BICD1: variants seen among roughly 807,000 people sequenced by gnomAD.
BICD1 encodes BICD cargo adaptor 1.
A neutral mutation model predicts 92.5 loss-of-function variants in BICD1; 35 were observed. That is an observed-to-expected ratio of 0.38 (90% CI 0.29 to 0.50). The LOEUF (loss-of-function observed/expected upper bound fraction) is 0.50, where lower values mean the gene tolerates loss of function less well. BICD1 is among the 20% of genes least tolerant of loss of function. The probability of loss-of-function intolerance (pLI) is 0.93; values close to 1 mark genes in which losing one functional copy is unlikely to be tolerated. For missense variants in BICD1, 950 were observed against 1,189.8 expected, an observed-to-expected ratio of 0.80 and a Z score of 2.97; for synonymous variants, 429 against 465.1, an observed-to-expected ratio of 0.92 and a Z score of 1.00.
rs188722962 is a variant in BICD1 at position 32,359,975 on chromosome 12, G to A, written c.2765-7695G>A. Reference sequence around the variant, plus strand: ...CCGAGGCAGGCAGATCACGAGGTCAGGGGATCGAGACCATCCTGGCTAACA... The same window carrying A: ...CCGAGGCAGGCAGATCACGAGGTCAAGGGATCGAGACCATCCTGGCTAACA... On this transcript the variant is annotated intron_variant, in intron 8 of 9. Coordinates refer to ENST00000652176, the MANE Select transcript of BICD1 (RefSeq NM_001714.4). Among the ~76,000 whole-genome samples the A allele has an allele frequency of 7.2e-5, 11 of 152,256 alleles. No individual in the cohort carries two copies. In the East Asian group the frequency reaches 2.1e-3, roughly 29 times the overall value.
chr12:32,199,202 A>G (rs989034999), intron 1 of BICD1, among the ~76,000 whole-genome samples: 2 of 152,232 alleles, frequency 1.3e-5, no homozygotes, highest in Non-Finnish European at 2.9e-5. Flanking sequence ...GAAAAATTAT[A>G]TAAGACATCA....
intron 2 of BICD1, among the ~76,000 whole-genome samples, chr12:32,226,787 A>G (rs533640026): frequency 1.3e-5 from 2 of 152,340 alleles, no homozygotes; most frequent in Admixed American, 1.3e-4. Context: ...TAGGAAAGAA[A>G]TCCCAGAAAC....
chr12:32,113,953 C>T (rs557212733), intron 1 of BICD1, among the ~76,000 whole-genome samples: 2 of 152,032 alleles, frequency 1.3e-5, no homozygotes, highest in Non-Finnish European at 2.9e-5. Flanking sequence ...CTTACTGCAA[C>T]CTCTGCCTCC....
At chr12:32,375,008 T>G (rs1939889022) in intron 9 of BICD1, among the ~76,000 whole-genome samples, 1 of 131,910 alleles carries the variant, frequency 7.6e-6, no homozygotes, top group African/African-American at 2.9e-5. Context: ...AAGCTCCGCC[T>G]CCCGGGTTCA....
intron 2 of BICD1, among the ~76,000 whole-genome samples, chr12:32,235,833 T>G (rs1433213388): frequency 6.6e-6 from 1 of 151,522 alleles, no homozygotes; most frequent in Non-Finnish European, 1.5e-5. Context: ...CCCAAGTAGC[T>G]GGGACTATAG....
chr12:32,177,542 T>C (rs1247700228), intron 1 of BICD1, among the ~76,000 whole-genome samples: 1 of 150,382 alleles, frequency 6.6e-6, no homozygotes, highest in Non-Finnish European at 1.5e-5. Context: ...ATGTTCGCGA[T>C]TCTATAGGCA....
chr12:32,183,326 G>A (rs2121525769), intron 1 of BICD1, among the ~76,000 whole-genome samples: 1 of 150,068 alleles, frequency 6.7e-6, no homozygotes, highest in East Asian at 1.9e-4. Context: ...AGGCTGGAGT[G>A]CAGTGGTGCG....
chr12:32,282,205 T>C (rs1239603), intron 2 of BICD1, among the ~76,000 whole-genome samples: 2,388 of 15,168 alleles, frequency 0.16, 164 homozygotes, highest in Middle Eastern at 0.32. Context: ...TCTTCTTCTT[T>C]TTTTTTTTTT....
intron 8 of BICD1, among the ~76,000 whole-genome samples, chr12:32,364,063 T>C (rs1939434625): frequency 6.6e-6 from 1 of 152,172 alleles, no homozygotes; most frequent in Non-Finnish European, 1.5e-5. Flanking sequence ...TGTAGTTGCT[T>C]ATTAAATATG....
chr12:32,305,907 A>G lies in BICD1; in HGVS notation c.790A>G (p.Ser264Gly). Residue 264 changes from serine (S) to glycine (G), a missense_variant, in exon 4 of 10, where the codon AGC becomes GGC. Around this residue, in one of 5 missense-constraint regions of BICD1, gnomAD observed 246 missense variants for 258.4 expected, o/e 0.95. Transcript: ENST00000652176. ...QYISLNDNHI[S>G]ISVDGLKFAE... ...TATCAGCCTCAATGATAACCATATCAGCATCTCAGTAGATGGACTCAAATT... is the reference window on the plus strand; with the variant it reads ...TATCAGCCTCAATGATAACCATATCGGCATCTCAGTAGATGGACTCAAATT... 1 of 1,614,220 alleles carries G rather than the reference A, an allele frequency of 6.2e-7. No homozygotes were observed. Among genetic ancestry groups the G allele is most frequent in the Non-Finnish European group, 8.5e-7 (1 of 1,180,034 alleles).
intron 1 of BICD1, chr12:32,108,770 T>G (rs1412437834): frequency 3.2e-6 from 2 of 627,602 alleles, no homozygotes; most frequent in Non-Finnish European, 5.8e-6. Flanking sequence ...AAAAAATAAA[T>G]GTACTACCTA....
intron 1 of BICD1, chr12:32,108,864 T>C: frequency 1.9e-6 from 1 of 522,174 alleles, no homozygotes. Context: ...CATGTACCTG[T>C]CTGGTCTTAA....
At chr12:32,117,741 T>C (rs1195240028) in intron 1 of BICD1, among the ~76,000 whole-genome samples, 5,882 of 99,242 alleles carry the variant, frequency 0.059, 177 homozygotes, top group Middle Eastern at 0.082. Flanking sequence ...CACACATATA[T>C]ATATATATAT....
chr12:32,349,552 A>G (rs16919772), intron 8 of BICD1, among the ~76,000 whole-genome samples: 10,208 of 152,160 alleles, frequency 0.067, 1,151 homozygotes, highest in African/African-American at 0.23. Flanking sequence ...TATTCTGTCC[A>G]TGACTGGGTC....
At chr12:32,230,695 G>C (rs1945858270) in intron 2 of BICD1, among the ~76,000 whole-genome samples, 1 of 152,158 alleles carries the variant, frequency 6.6e-6, no homozygotes, top group Non-Finnish European at 1.5e-5. Context: ...CAGCCACGTG[G>C]AGCAAAAGCG....
intron 8 of BICD1, among the ~76,000 whole-genome samples, chr12:32,344,804 A>G (rs1310625823): frequency 6.6e-6 from 1 of 152,116 alleles, no homozygotes. Context: ...CCACTTCCCC[A>G]TATCACTAAA....
intron 4 of BICD1, among the ~76,000 whole-genome samples, chr12:32,314,755 A>C (rs1948456861): frequency 7.1e-6 from 1 of 140,648 alleles, no homozygotes; most frequent in Admixed American, 7.1e-5. Context: ...TTTGATGTAC[A>C]AAGGAGTTTT....
intron 1 of BICD1, among the ~76,000 whole-genome samples, chr12:32,140,932 T>A (rs1000001653): frequency 6.6e-6 from 1 of 152,214 alleles, no homozygotes; most frequent in African/African-American, 2.4e-5. Context: ...ATTTTTTTGT[T>A]GTACTTGAAA....
intron 1 of BICD1, among the ~76,000 whole-genome samples, chr12:32,192,449 A>G (rs61926930): frequency 2.8e-5 from 4 of 143,574 alleles, no homozygotes; most frequent in Non-Finnish European, 3.1e-5. Flanking sequence ...TAAATAAATA[A>G]ATAAATAGAT....
Sources: allele counts gnomAD v4.1 joint callset (sites outside exome capture counted in the v4.1 genomes callset), GRCh38; gene constraint gnomAD v4.1.1; regional missense constraint gnomAD v4.1.1; transcripts MANE v1.5; gene names NCBI Gene and HGNC (gene_info 2026-07-23, HGNC 2026-07-21).